Variants in MYO16 observed in about 807,000 individuals in gnomAD.
The protein encoded by MYO16 is unconventional myosin-XVI.
In MYO16, 94 loss-of-function variants were observed where a neutral mutation model predicts 205.3. That is an observed-to-expected ratio of 0.46 (90% CI 0.39 to 0.54). The LOEUF is 0.54. Among genes scored for constraint, MYO16 ranks in the 20% least tolerant of loss-of-function variants. MYO16 has a pLI of 0.00. For missense variants in MYO16, 2,315 were observed against 2,387.5 expected (o/e 0.97, Z 0.63); for synonymous variants, 988 against 954.0 (o/e 1.04, Z -0.66).
chr13:109,046,076 G>T (rs1011931767), intron 23 of MYO16, among the ~76,000 whole-genome samples: 1 of 150,560 alleles, frequency 6.6e-6, no homozygotes, highest in Non-Finnish European at 1.5e-5. Context: ...CATGGCTGAT[G>T]CTCACCCCCT....
chr13:108,728,860 C>T lies in MYO16; in HGVS notation c.507+1277C>T, dbSNP rs531530892. On this transcript the variant is annotated intron_variant, in intron 4 of 34. Transcript: ENST00000457511. ...ACACCATACTGCCCCTCTTCCCCCC[C>T]TCTTAAAATTCTGAACAAAAATATT... 4.6e-5 allele frequency among the ~76,000 whole-genome samples: 7 copies of T among 152,306 alleles called. No individual in the cohort carries two copies. The South Asian group carries it at 1.2e-3, about 27-fold the overall frequency.
intron 2 of MYO16, among the ~76,000 whole-genome samples, chr13:108,677,496 T>C (rs550413112): frequency 6.6e-6 from 1 of 151,664 alleles, no homozygotes; most frequent in South Asian, 2.1e-4. Flanking sequence ...TATGTATATA[T>C]ACTTACATAT....
chr13:108,830,668 A>T (rs448480), intron 9 of MYO16, among the ~76,000 whole-genome samples: 1 of 148,148 alleles, frequency 6.8e-6, no homozygotes, highest in African/African-American at 2.5e-5. Context: ...CTAGATGACG[A>T]GTTAGTGGGT....
At chr13:108,756,149 A>G (rs1445367131) in intron 4 of MYO16, among the ~76,000 whole-genome samples, 2 of 152,148 alleles carry the variant, frequency 1.3e-5, no homozygotes, top group Non-Finnish European at 2.9e-5. Flanking sequence ...AATTTATTAT[A>G]ACACTGTTCA....
chr13:108,813,818 C>G (rs1399862839), intron 7 of MYO16, among the ~76,000 whole-genome samples: 1 of 152,110 alleles, frequency 6.6e-6, no homozygotes, highest in Non-Finnish European at 1.5e-5. Context: ...TCTACCTGCT[C>G]ACATTTTAAG....
intron 4 of MYO16, among the ~76,000 whole-genome samples, chr13:108,778,341 G>T (rs1156529114): frequency 6.6e-6 from 1 of 152,204 alleles, no homozygotes; most frequent in Non-Finnish European, 1.5e-5. Flanking sequence ...TTTCACAGTT[G>T]GGTGCAGTGG....
intron 4 of MYO16, among the ~76,000 whole-genome samples, chr13:108,746,116 C>T (rs1885054774): frequency 6.6e-6 from 1 of 152,080 alleles, no homozygotes; most frequent in African/African-American, 2.4e-5. Context: ...TGGCATGAAC[C>T]CGGGAGGTGG....
At chr13:108,904,311 G>C (rs1880856297) in intron 15 of MYO16, among the ~76,000 whole-genome samples, 2 of 152,132 alleles carry the variant, frequency 1.3e-5, no homozygotes, top group South Asian at 4.1e-4. Context: ...TCAGGATTGA[G>C]TGACTTATAA....
chr13:108,841,608 T>C (rs1471500256), intron 9 of MYO16, among the ~76,000 whole-genome samples: 1 of 152,146 alleles, frequency 6.6e-6, no homozygotes. Flanking sequence ...TGGGAGAGAA[T>C]ATTTGCCAAG....
intron 20 of MYO16, among the ~76,000 whole-genome samples, chr13:108,989,361 T>G (rs935046414): frequency 5.3e-5 from 8 of 152,156 alleles, no homozygotes; most frequent in Non-Finnish European, 1.2e-4. Context: ...AAATATATGT[T>G]TCAATATAGA....
intron 2 of MYO16, among the ~76,000 whole-genome samples, chr13:108,669,682 G>T (rs1250129500): frequency 1.3e-5 from 2 of 152,038 alleles, no homozygotes; most frequent in African/African-American, 4.8e-5. Context: ...ATTTGTTTAA[G>T]TTCCTTGTAG....
chr13:108,521,921 T>C, the MYO16 span, among the ~76,000 whole-genome samples: 1 of 152,232 alleles, frequency 6.6e-6, no homozygotes, highest in Non-Finnish European at 1.5e-5. Context: ...TAAATATGAC[T>C]TGAATTTATC....
intron 9 of MYO16, among the ~76,000 whole-genome samples, chr13:108,842,412 CTG>C (rs1420238050): frequency 6.6e-6 from 1 of 151,810 alleles, no homozygotes; most frequent in Non-Finnish European, 1.5e-5. Flanking sequence ...ACACAGCTCA[CTG>C]TAAAAAAAAA....
At chr13:108,543,577 G>C in the MYO16 span, among the ~76,000 whole-genome samples, 2 of 141,832 alleles carry the variant, frequency 1.4e-5, no homozygotes, top group African/African-American at 5.8e-5. Context: ...AGGAGGCGGA[G>C]CTTGCAGTGA....
chr13:109,127,537 A>G lies in MYO16; in HGVS notation c.4038A>G (p.Glu1346=), dbSNP rs781703021. 2 of 1,610,596 alleles carry G rather than the reference A, an allele frequency of 1.2e-6. No homozygotes were observed. The highest frequency in any genetic ancestry group is 4.5e-5 in the East Asian group (2 of 44,860). The change falls in exon 31 of 35, where the codon GAA becomes GAG. Residue 1346 remains glutamate (E), a synonymous_variant. Transcript: ENST00000457511. This position sits in a 1 kb window ranked among gnomAD's most constrained non-coding sequence, Gnocchi z 4.2. ...AVSACLSAAR[E]AANEALARPR... ...GCGCCTGCCTCTCCGCGGCCAGGGA[A>G]GCGGCCAACGAAGGTCAGCCCTGGG...
At chr13:108,878,657 A>G (rs1382921090) in intron 12 of MYO16, among the ~76,000 whole-genome samples, 1 of 152,268 alleles carries the variant, frequency 6.6e-6, no homozygotes, top group Non-Finnish European at 1.5e-5. Context: ...GTCCATGGAC[A>G]GCAAAGCTAA....
In MYO16 at chr13:109,145,430, A is replaced by G. The variant is rs537633826; in HGVS notation, c.5164+4054A>G. ...CACTGAGGGGCAACGAGTAATAGTC[A>G]TAAGAGTTTAGTTGAAGAGAATTTT... On this transcript the variant is annotated intron_variant, in intron 32 of 34. Coordinates refer to ENST00000457511, the MANE Select transcript of MYO16 (RefSeq NM_001198950.3). Among the ~76,000 whole-genome samples, 15 of 152,344 alleles carry G rather than the reference A, an allele frequency of 9.8e-5. No individual in the cohort carries two copies. In the East Asian group the frequency reaches 1.9e-3, roughly 20 times the overall value.
chr13:108,840,425 A>AC (rs1566362368), intron 9 of MYO16, among the ~76,000 whole-genome samples: 2 of 152,042 alleles, frequency 1.3e-5, no homozygotes, highest in Non-Finnish European at 2.9e-5. Flanking sequence ...ACTGAAAGCA[A>AC]CCCTTCAATT....
intron 2 of MYO16, among the ~76,000 whole-genome samples, chr13:108,710,873 A>C (rs1883692105): frequency 6.6e-6 from 1 of 152,248 alleles, no homozygotes; most frequent in Admixed American, 6.5e-5. Flanking sequence ...AGAATATAAA[A>C]AGTCAATATT....
Sources: allele counts gnomAD v4.1 joint callset (sites outside exome capture counted in the v4.1 genomes callset), GRCh38; gene constraint gnomAD v4.1.1; non-coding constraint Gnocchi (gnomAD v3.1); transcripts MANE v1.5; gene names NCBI Gene and HGNC (gene_info 2026-07-23, HGNC 2026-07-21).